The following CHD1L variants were observed in gnomAD, a reference collection of about 807,000 sequenced individuals.
The protein encoded by CHD1L is ATP-dependent chromatin remodeler CHD1L.
Under a neutral mutation model 115.9 loss-of-function variants are expected in CHD1L, and 118 were observed. The ratio of observed to expected loss-of-function variants is 1.02; its 90% CI spans 0.88 to 1.19. The LOEUF (loss-of-function observed/expected upper bound fraction) is 1.19, where lower values mean the gene tolerates loss of function less well. Ranked by LOEUF, CHD1L falls within the 50% of genes most tolerant of loss-of-function variation. CHD1L has a pLI of 0.00. For synonymous variants in CHD1L, 411 were observed against 387.1 expected, an observed-to-expected ratio of 1.06 and a Z score of -0.72; for missense variants, 1,179 against 1,065.3, an observed-to-expected ratio of 1.11 and a Z score of -1.49.
chr1:147,186,664 C>T, the CHD1L span: 4 of 1,300,322 alleles, frequency 3.1e-6, no homozygotes, highest in Non-Finnish European at 3.9e-6. Flanking sequence ...TACCTGAGCT[C>T]CCAGTCTAGG....
chr1:147,271,463 T>C (rs1553953042), intron 11 of CHD1L, among the ~76,000 whole-genome samples: 1 of 152,094 alleles, frequency 6.6e-6, no homozygotes. Context: ...AGAATGTAGG[T>C]TATTACCTGG....
the CHD1L span, among the ~76,000 whole-genome samples, chr1:147,233,794 C>T: frequency 7.2e-5 from 11 of 151,760 alleles, no homozygotes; most frequent in South Asian, 2.1e-4. Context: ...TGTGACCTTA[C>T]CCCCAACCCT....
intron 1 of CHD1L, among the ~76,000 whole-genome samples, chr1:147,243,812 A>G (rs1665715776): frequency 6.6e-6 from 1 of 152,242 alleles, no homozygotes; most frequent in Non-Finnish European, 1.5e-5. Flanking sequence ...GTTTTAGACT[A>G]GTGAGAGTGC....
chr1:147,187,185 A>G, the CHD1L span: 1 of 1,614,114 alleles, frequency 6.2e-7, no homozygotes, highest in South Asian at 1.1e-5. Flanking sequence ...CCAAATCAGC[A>G]AGCTCTTCCA....
chr1:147,290,226 GGC>G (rs1197138688), intron 19 of CHD1L, among the ~76,000 whole-genome samples: 1 of 152,016 alleles, frequency 6.6e-6, no homozygotes, highest in Non-Finnish European at 1.5e-5. Context: ...TTGTACCACA[GGC>G]GCACACCACC....
chr1:147,229,072 GA>G, the CHD1L span, among the ~76,000 whole-genome samples: 1 of 152,168 alleles, frequency 6.6e-6, no homozygotes, highest in Non-Finnish European at 1.5e-5. Context: ...TTTTAGACAT[GA>G]AGTCCTTGCC....
chr1:147,218,713 A>G, the CHD1L span, among the ~76,000 whole-genome samples: 2 of 152,310 alleles, frequency 1.3e-5, no homozygotes, highest in Admixed American at 1.3e-4. Flanking sequence ...ATCTTCATCC[A>G]GTGTTGTCCT....
the CHD1L span, among the ~76,000 whole-genome samples, chr1:147,202,611 C>G: frequency 1.3e-5 from 2 of 152,258 alleles, no homozygotes; most frequent in South Asian, 2.1e-4. Flanking sequence ...AGCCACAGCA[C>G]CTGGCCTAAA....
chr1:147,230,969 A>G, the CHD1L span, among the ~76,000 whole-genome samples: 2 of 151,456 alleles, frequency 1.3e-5, no homozygotes, highest in Non-Finnish European at 2.9e-5. Flanking sequence ...TCCTGGATTC[A>G]TTGATTTTTT....
the CHD1L span, chr1:147,178,926 GA>G: frequency 6.3e-7 from 1 of 1,595,026 alleles, no homozygotes; most frequent in Non-Finnish European, 8.6e-7. Context: ...ACTATGAAAA[GA>G]ATGCTAAAGG....
intron 6 of CHD1L, among the ~76,000 whole-genome samples, chr1:147,264,199 C>T (rs1384136895): frequency 3.3e-5 from 5 of 152,150 alleles, no homozygotes; most frequent in African/African-American, 9.7e-5. Flanking sequence ...GTGTTTTCTT[C>T]ACAGGATTAT....
the CHD1L span, chr1:147,224,096 T>A: frequency 5.4e-6 from 2 of 370,690 alleles, no homozygotes; most frequent in African/African-American, 4.3e-5. Flanking sequence ...GGTCCCTTAC[T>A]GCATTATCAA....
chr1:147,266,654 CT>C (rs1187615142), intron 8 of CHD1L, among the ~76,000 whole-genome samples: 4 of 152,144 alleles, frequency 2.6e-5, no homozygotes, highest in Non-Finnish European at 4.4e-5. Flanking sequence ...TTCAACTGAT[CT>C]TTATTTTACT....
chr1:147,263,557 ATCTTT>A (rs1553945728), intron 6 of CHD1L, among the ~76,000 whole-genome samples: 1 of 151,792 alleles, frequency 6.6e-6, no homozygotes, highest in Admixed American at 6.6e-5. Context: ...TTGACCTAAT[ATCTTT>A]TCTTCTTTTT....
At chr1:147,288,322 C>CATTAAAAAAAAAA (rs1452486110) in intron 19 of CHD1L, among the ~76,000 whole-genome samples, 27 of 87,906 alleles carry the variant, frequency 3.1e-4, no homozygotes, top group East Asian at 1.5e-3. Context: ...GACCCTGTTT[C>CATTAAAAAAAAAA]AATAAAAAAA....
At chr1:147,209,118 T>A in the CHD1L span, 3 of 1,412,012 alleles carry the variant, frequency 2.1e-6, no homozygotes, top group Non-Finnish European at 2.9e-6. Context: ...GCACCCCCAT[T>A]TTCTTCAAGA....
At chr1:147,250,030 G>A (rs1305368625) in intron 1 of CHD1L, among the ~76,000 whole-genome samples, 1 of 151,680 alleles carries the variant, frequency 6.6e-6, no homozygotes, top group Admixed American at 6.6e-5. Flanking sequence ...TTTTATTTTG[G>A]TTATATTATT....
At chr1:147,292,028 G>T (rs1218571721) in intron 20 of CHD1L, among the ~76,000 whole-genome samples, 1 of 152,088 alleles carries the variant, frequency 6.6e-6, no homozygotes, top group African/African-American at 2.4e-5. Context: ...CAAGCAGATT[G>T]GGCCATAGTC....
At chr1:147,252,301 A>G (rs879957871) in intron 1 of CHD1L, among the ~76,000 whole-genome samples, 2 of 152,198 alleles carry the variant, frequency 1.3e-5, no homozygotes, top group South Asian at 2.1e-4. Context: ...GTAATGCCTC[A>G]TTTCCCAGAA....
Sources: gnomAD v4.1 joint callset for allele counts (sites outside exome capture counted in the v4.1 genomes callset) on GRCh38, gnomAD v4.1.1 for gene constraint, MANE v1.5 for transcripts, NCBI Gene and HGNC (gene_info 2026-07-23, HGNC 2026-07-21) for gene names.